SYT3: variants seen among roughly 807,000 people sequenced by gnomAD.
The protein encoded by SYT3 is synaptotagmin-3.
A neutral mutation model predicts 50.6 loss-of-function variants in SYT3; 25 were observed. The observed-to-expected ratio is 0.49, with a 90% CI of 0.36 to 0.69. SYT3 has a LOEUF of 0.69. Among genes scored for constraint, SYT3 ranks in the 30% least tolerant of loss-of-function variants. The pLI is 0.00. For synonymous variants in SYT3, 323 were observed against 353.9 expected (o/e 0.91, Z 0.98); for missense variants, 589 against 793.6 (o/e 0.74, Z 3.10).
At chr19:50,649,466 G>A in the SYT3 span, 11 of 1,536,074 alleles carry the variant, frequency 7.2e-6, no homozygotes, top group East Asian at 2.4e-5. Context: ...GGTGGAGCCC[G>A]TGTGCTTCCC....
chr19:50,625,776 AG>A lies in SYT3; in HGVS notation c.1402+120del. ...CCCTGGCCCCTCCTCCCTCAGACCC[AG>A]GAGTCCAGATCCCCAGCTCCTCCTC... On this transcript the variant is annotated intron_variant, in intron 7 of 10. Coordinates refer to ENST00000600079, the MANE Select transcript of SYT3 (RefSeq NM_001160329.2). This position sits in a 1 kb window ranked among gnomAD's most constrained non-coding sequence, Gnocchi z 7.5. The A allele has an allele frequency of 2.6e-5, 15 of 586,784 alleles. 4 individuals are homozygous for A. Among genetic ancestry groups the A allele is most frequent in the South Asian group, 3.7e-5 (2 of 53,946 alleles). 36.3% of individuals were successfully genotyped at this position (586,784 alleles called of 1,614,324 possible).
At chr19:50,649,667 G>GC in the SYT3 span, 1 of 858,170 alleles carries the variant, frequency 1.2e-6, no homozygotes, top group Non-Finnish European at 1.9e-6. Context: ...CTGGAGAGCG[G>GC]CCCCCTTGGA....
At chr19:50,638,592 G>T (rs907493687) in intron 2 of SYT3, among the ~76,000 whole-genome samples, 3 of 152,134 alleles carry the variant, frequency 2.0e-5, no homozygotes, top group Non-Finnish European at 4.4e-5. Context: ...GACAAGGAAT[G>T]AACCGAGATG....
chr19:50,636,306 G>T (rs1404177094), intron 3 of SYT3, among the ~76,000 whole-genome samples: 1 of 152,162 alleles, frequency 6.6e-6, no homozygotes, highest in African/African-American at 2.4e-5. Context: ...AGTTCTGTGA[G>T]TCAATGATTC....
chr19:50,626,103 T>C, intron 6 of SYT3, 86 bp from the exon 7 acceptor site: 1 of 1,509,578 alleles, frequency 6.6e-7, no homozygotes. Context: ...AGCCTCCTGC[T>C]TTACACCCTG....
chr19:50,646,515 G>C, the SYT3 span, among the ~76,000 whole-genome samples: 1 of 152,218 alleles, frequency 6.6e-6, no homozygotes, highest in Non-Finnish European at 1.5e-5. Flanking sequence ...CGTGATGCCA[G>C]AGAGCCAGAG....
the SYT3 span, among the ~76,000 whole-genome samples, chr19:50,644,938 T>C: frequency 6.6e-6 from 1 of 151,986 alleles, no homozygotes; most frequent in African/African-American, 2.4e-5. Flanking sequence ...GAGAAATAGA[T>C]GAAGGGATGG....
At chr19:50,646,832 T>A in the SYT3 span, among the ~76,000 whole-genome samples, 2 of 151,876 alleles carry the variant, frequency 1.3e-5, no homozygotes, top group Non-Finnish European at 2.9e-5. Flanking sequence ...TTTATTTATT[T>A]ATTTATTATT....
chr19:50,629,149 G>T, intron 6 of SYT3, 145 bp downstream of exon 6: 1 of 684,576 alleles, frequency 1.5e-6, no homozygotes. Context: ...CTGTAAGTTT[G>T]CAGTCTTCCC....
chr19:50,656,213 G>C, the SYT3 span: 2 of 1,536,010 alleles, frequency 1.3e-6, no homozygotes, highest in Non-Finnish European at 1.7e-6. Context: ...CTGCCTGTTC[G>C]CTCTCTCCCT....
upstream of SYT3, among the ~76,000 whole-genome samples, chr19:50,640,672 T>C (rs1207259153): frequency 6.6e-6 from 1 of 152,162 alleles, no homozygotes; most frequent in Non-Finnish European, 1.5e-5. Flanking sequence ...CTGGACTGCA[T>C]TGTTGTCTTG....
upstream of SYT3, among the ~76,000 whole-genome samples, chr19:50,643,120 C>T (rs886229088): frequency 6.6e-6 from 1 of 152,136 alleles, no homozygotes; most frequent in Non-Finnish European, 1.5e-5. Flanking sequence ...CCTGTAATCC[C>T]AGCACTTTGG....
At chr19:50,644,687 T>C (rs1984734256), upstream of SYT3, among the ~76,000 whole-genome samples, 1 of 151,204 alleles carries the variant, frequency 6.6e-6, no homozygotes, top group Non-Finnish European at 1.5e-5. Context: ...AAGGAATGGA[T>C]GGATGAGTGG....
the SYT3 span, among the ~76,000 whole-genome samples, chr19:50,652,404 A>T: frequency 6.6e-6 from 1 of 152,318 alleles, no homozygotes; most frequent in Non-Finnish European, 1.5e-5. Context: ...TTAGGGAATC[A>T]TAGAAATAAA....
intron 9 of SYT3, chr19:50,624,839 A>G (rs757995138): frequency 1.2e-5 from 3 of 243,850 alleles, no homozygotes; most frequent in Non-Finnish European, 2.3e-5. Flanking sequence ...GGCGTGAGCC[A>G]CCACGCCCAG....
the SYT3 span, among the ~76,000 whole-genome samples, chr19:50,650,733 G>C: frequency 6.0e-4 from 92 of 152,298 alleles, no homozygotes; most frequent in African/African-American, 2.2e-3. Flanking sequence ...CTGCAGCCTT[G>C]AGCTCCTGGC....
At chr19:50,655,537 T>A in the SYT3 span, among the ~76,000 whole-genome samples, 13 of 151,852 alleles carry the variant, frequency 8.6e-5, no homozygotes. Context: ...TAGTCTCAGC[T>A]ACTCGGGAGG....
intron 3 of SYT3, among the ~76,000 whole-genome samples, chr19:50,634,641 T>G (rs138932271): frequency 7.1e-6 from 1 of 141,464 alleles, no homozygotes; most frequent in Admixed American, 7.5e-5. Context: ...TGGAGTGCAG[T>G]GGCATGATCT....
At chr19:50,642,576 G>A (rs911839488), upstream of SYT3, among the ~76,000 whole-genome samples, 11 of 152,270 alleles carry the variant, frequency 7.2e-5, no homozygotes, top group African/African-American at 2.7e-4. Flanking sequence ...GCACATGCCT[G>A]TAATCCCAGC....
Sources: gnomAD v4.1 joint callset for allele counts (sites outside exome capture counted in the v4.1 genomes callset) on GRCh38, gnomAD v4.1.1 for gene constraint, Gnocchi (gnomAD v3.1) non-coding constraint, MANE v1.5 for transcripts, NCBI Gene and HGNC (gene_info 2026-07-23, HGNC 2026-07-21) for gene names.